The following TXLNB variants were observed in gnomAD, a reference collection of about 807,000 sequenced individuals.
The protein encoded by TXLNB is taxilin beta.
In TXLNB, 37 loss-of-function variants were observed where a neutral mutation model predicts 57.4. The observed-to-expected ratio is 0.64, with a 90% CI of 0.50 to 0.85. The LOEUF (loss-of-function observed/expected upper bound fraction) is 0.85, where lower values mean the gene tolerates loss of function less well. Among genes scored for constraint, TXLNB ranks in the 40% least tolerant of loss-of-function variants. TXLNB has a pLI of 0.00. For missense variants in TXLNB, 848 were observed against 825.6 expected (o/e 1.03, Z -0.33); for synonymous variants, 302 against 309.6 (o/e 0.98, Z 0.26).
In TXLNB at chr6:139,279,486, A is replaced by AT. The variant is rs1292448642; in HGVS notation, c.425-2566dup. 1.6e-3 allele frequency among the ~76,000 whole-genome samples: 239 copies of AT among 152,346 alleles called. 1 individual carries two copies. Among genetic ancestry groups the AT allele is most frequent in the African/African-American group, 5.5e-3 (228 of 41,580 alleles). ...GGAAAAGCACTAAAACTGGAGATTA[A>AT]TTAAAAAAAATCCAGGAAACTGGAG... On this transcript the variant is annotated intron_variant, in intron 2 of 9. Coordinates refer to ENST00000358430, the MANE Select transcript of TXLNB (RefSeq NM_153235.4).
chr6:139,184,536 T>C, the TXLNB span, among the ~76,000 whole-genome samples: 26 of 152,268 alleles, frequency 1.7e-4, no homozygotes, highest in Non-Finnish European at 3.1e-4. Flanking sequence ...ACATCTGTTC[T>C]CTTTTGTTAA....
At chr6:139,307,921 G>A in the TXLNB span, among the ~76,000 whole-genome samples, 9 of 152,224 alleles carry the variant, frequency 5.9e-5, no homozygotes, top group East Asian at 1.2e-3. Flanking sequence ...TAAAACACAT[G>A]GGTCTAGGGA....
chr6:139,193,866 G>A, the TXLNB span, among the ~76,000 whole-genome samples: 10 of 126,718 alleles, frequency 7.9e-5, no homozygotes, highest in East Asian at 2.2e-3. Flanking sequence ...TTTTGAGACG[G>A]AGTCTCGCTC....
the TXLNB span, among the ~76,000 whole-genome samples, chr6:139,230,625 T>C: frequency 1.6e-4 from 24 of 152,192 alleles, no homozygotes; most frequent in Non-Finnish European, 4.4e-5. Flanking sequence ...GGAGAATTTC[T>C]CAAGACATAC....
At chr6:139,160,290 C>T in the TXLNB span, among the ~76,000 whole-genome samples, 4 of 152,138 alleles carry the variant, frequency 2.6e-5, no homozygotes, top group African/African-American at 9.7e-5. Flanking sequence ...GAGCATTTTT[C>T]TGTTTTGCTT....
At chr6:139,313,352 G>A in the TXLNB span, among the ~76,000 whole-genome samples, 2 of 152,112 alleles carry the variant, frequency 1.3e-5, no homozygotes, top group African/African-American at 4.8e-5. Flanking sequence ...GATTACAGGC[G>A]TGAGCCGCTG....
the TXLNB span, among the ~76,000 whole-genome samples, chr6:139,321,337 G>A: frequency 6.6e-6 from 1 of 152,092 alleles, no homozygotes; most frequent in African/African-American, 2.4e-5. Context: ...GAGTTGCCTT[G>A]TGCCTTCTAC....
intron 7 of TXLNB, among the ~76,000 whole-genome samples, chr6:139,251,899 C>A (rs1776215365): frequency 6.6e-6 from 1 of 152,214 alleles, no homozygotes; most frequent in South Asian, 2.1e-4. Context: ...GGACTTCAGA[C>A]TTTAAAGACT....
the TXLNB span, among the ~76,000 whole-genome samples, chr6:139,308,239 T>G: frequency 6.6e-6 from 1 of 152,202 alleles, no homozygotes; most frequent in Non-Finnish European, 1.5e-5. Context: ...TGGGCATGTA[T>G]GGTTATTGCT....
rs923637392 is a variant in TXLNB, at chr6:139,285,325, T to A, written c.424+3151A>T. Among the ~76,000 whole-genome samples, 4 of 138,914 alleles carry A rather than the reference T, an allele frequency of 2.9e-5. 1 individual carries two copies. The highest frequency in any genetic ancestry group is 1.1e-4 in the African/African-American group (4 of 37,374). The allele number at this position is 138,914 out of a possible 152,430, so 91.1% of individuals were successfully genotyped here. ...ACACACCCCAATTCTTATGTAAAAGTTTTAGGGTGATTGAAAAATAACTTT... is the reference window on the plus strand; with the variant it reads ...ACACACCCCAATTCTTATGTAAAAGATTTAGGGTGATTGAAAAATAACTTT... On this transcript the variant is annotated intron_variant, in intron 2 of 9. Coordinates refer to ENST00000358430, the MANE Select transcript of TXLNB (RefSeq NM_153235.4).
chr6:139,311,572 T>G, the TXLNB span, among the ~76,000 whole-genome samples: 2 of 152,146 alleles, frequency 1.3e-5, no homozygotes, highest in Non-Finnish European at 2.9e-5. Flanking sequence ...TAGCTGACCT[T>G]GTGATGCTGC....
At chr6:139,235,696 C>T (rs1473405170), downstream of TXLNB, among the ~76,000 whole-genome samples, 1 of 152,010 alleles carries the variant, frequency 6.6e-6, no homozygotes, top group East Asian at 1.9e-4. Context: ...GGGCTGTACC[C>T]TCGAGCCTGT....
chr6:139,257,562 C>G (rs1426019600), intron 6 of TXLNB, among the ~76,000 whole-genome samples: 1 of 152,104 alleles, frequency 6.6e-6, no homozygotes, highest in Non-Finnish European at 1.5e-5. Context: ...GGTAGACCTG[C>G]AAGTCAGCAT....
chr6:139,313,043 G>A, the TXLNB span, among the ~76,000 whole-genome samples: 31 of 151,812 alleles, frequency 2.0e-4, no homozygotes, highest in East Asian at 5.6e-3. Flanking sequence ...TTTATGTGAT[G>A]TAAGTGTTAA....
chr6:139,211,881 G>A, the TXLNB span, among the ~76,000 whole-genome samples: 2 of 152,196 alleles, frequency 1.3e-5, no homozygotes, highest in Non-Finnish European at 2.9e-5. Flanking sequence ...GGGTATCAGC[G>A]ATGGAAGACG....
the TXLNB span, among the ~76,000 whole-genome samples, chr6:139,229,081 GAT>G: frequency 2.0e-5 from 3 of 152,128 alleles, no homozygotes; most frequent in Non-Finnish European, 2.9e-5. Context: ...AGGAAAAAGC[GAT>G]ATGTCTGCTC....
the TXLNB span, chr6:139,178,194 A>G: frequency 1.3e-5 from 2 of 152,348 alleles, no homozygotes; most frequent in African/African-American, 4.8e-5. Context: ...TATGTTTGAA[A>G]AATAGACCAT....
downstream of TXLNB, among the ~76,000 whole-genome samples, chr6:139,235,794 C>T (rs191841044): frequency 6.6e-6 from 1 of 152,148 alleles, no homozygotes; most frequent in Non-Finnish European, 1.5e-5. Flanking sequence ...CCACGCCCCC[C>T]CTTCCTGTGC....
intron 7 of TXLNB, among the ~76,000 whole-genome samples, chr6:139,250,428 A>G (rs1175690108): frequency 2.0e-5 from 3 of 150,532 alleles, no homozygotes; most frequent in Non-Finnish European, 4.4e-5. Context: ...AGGGCCCACA[A>G]ATGGGTCAGA....
Sources: allele counts gnomAD v4.1 joint callset (sites outside exome capture counted in the v4.1 genomes callset), GRCh38; gene constraint gnomAD v4.1.1; transcripts MANE v1.5; gene names NCBI Gene and HGNC (gene_info 2026-07-23, HGNC 2026-07-21).